Variants in PRR16 observed in about 807,000 individuals in gnomAD.
PRR16 encodes the protein protein Largen.
In PRR16, 6 loss-of-function variants were observed where a neutral mutation model predicts 18.2. That is an observed-to-expected ratio of 0.33 (90% CI 0.18 to 0.65). The LOEUF (loss-of-function observed/expected upper bound fraction) is 0.65, where lower values mean the gene tolerates loss of function less well. Ranked by LOEUF, PRR16 falls within the 30% of genes least tolerant of loss-of-function variation. The probability of loss-of-function intolerance (pLI) is 0.74; values close to 1 mark genes in which losing one functional copy is unlikely to be tolerated. For synonymous variants in PRR16, 151 were observed against 147.8 expected, an observed-to-expected ratio of 1.02 and a Z score of -0.16; for missense variants, 412 against 376.6, an observed-to-expected ratio of 1.09 and a Z score of -0.78.
At chr5:120,735,364 T>C in the PRR16 span, among the ~76,000 whole-genome samples, 1 of 152,170 alleles carries the variant, frequency 6.6e-6, no homozygotes, top group African/African-American at 2.4e-5. Flanking sequence ...TTCAATACTT[T>C]TGGATATACA....
chr5:120,475,582 G>A (rs552386343), intron 1 of PRR16, among the ~76,000 whole-genome samples: 71 of 151,968 alleles, frequency 4.7e-4, no homozygotes, highest in Admixed American at 7.9e-4. Context: ...TATAAGAAAT[G>A]AAAAATAAGC....
At chr5:120,549,054 A>G (rs189289030) in intron 1 of PRR16, among the ~76,000 whole-genome samples, 117 of 152,070 alleles carry the variant, frequency 7.7e-4, no homozygotes, top group Admixed American at 2.8e-3. Context: ...AAAAGAGCAT[A>G]TTGACCTGTT....
At chr5:120,681,301 A>C (rs1252703460) in intron 1 of PRR16, among the ~76,000 whole-genome samples, 1 of 152,044 alleles carries the variant, frequency 6.6e-6, no homozygotes, top group East Asian at 1.9e-4. Flanking sequence ...TGATAATTTT[A>C]TATCTGTTAT....
chr5:120,755,776 A>C, the PRR16 span, among the ~76,000 whole-genome samples: 1 of 152,116 alleles, frequency 6.6e-6, no homozygotes, highest in Non-Finnish European at 1.5e-5. Flanking sequence ...GTGACTCTTG[A>C]CTATGAGTAG....
At chr5:120,700,398 G>A in the PRR16 span, among the ~76,000 whole-genome samples, 1,002 of 152,108 alleles carry the variant, frequency 6.6e-3, 6 homozygotes, top group Middle Eastern at 0.024. Flanking sequence ...ATGATCGGTC[G>A]CCAAGGAGGG....
At chr5:120,488,773 C>T (rs529139195) in intron 1 of PRR16, among the ~76,000 whole-genome samples, 9 of 152,168 alleles carry the variant, frequency 5.9e-5, no homozygotes, top group African/African-American at 1.2e-4. Context: ...CCTGCTTTCT[C>T]TTGTGTGCAT....
chr5:120,793,499 G>A, the PRR16 span, among the ~76,000 whole-genome samples: 1 of 151,746 alleles, frequency 6.6e-6, no homozygotes, highest in Non-Finnish European at 1.5e-5. Context: ...AGAGGAAGAA[G>A]GTAAGACATC....
intron 1 of PRR16, among the ~76,000 whole-genome samples, chr5:120,644,325 G>A (rs189994433): frequency 7.9e-5 from 12 of 152,014 alleles, no homozygotes; most frequent in South Asian, 2.1e-4. Context: ...GCTCAATCCC[G>A]ATAGCAGGGC....
At chr5:120,469,301 A>T (rs1749195138) in intron 1 of PRR16, among the ~76,000 whole-genome samples, 1 of 152,174 alleles carries the variant, frequency 6.6e-6, no homozygotes, top group Non-Finnish European at 1.5e-5. Context: ...ACAAGAAAAA[A>T]TTATAGAGAA....
chr5:120,481,128 C>A, intron 1 of PRR16: 1 of 1,178,546 alleles, frequency 8.5e-7, no homozygotes, highest in Non-Finnish European at 1.1e-6. Context: ...GCTACTTTAC[C>A]AATGTTTTAA....
In PRR16 at chr5:120,686,213, T is replaced by A; in HGVS notation, c.419T>A (p.Val140Glu). ...GTGAAGTGTGAAGACCCCAAAAGGG[T>A]GGTTCCAACTGCCAATCCTGTAAAA... Reference protein sequence around the residue: ...TPVKCEDPKRVVPTANPVKTN... With the variant: ...TPVKCEDPKREVPTANPVKTN... Residue 140 changes from valine (V) to glutamate (E), a missense_variant, in exon 2 of 2, where the codon GTG (valine) becomes GAG (glutamate). Physicochemically the swap from Val to Glu is moderately radical, Grantham distance 121. Coordinates refer to ENST00000407149, the MANE Select transcript of PRR16 (RefSeq NM_001300783.2). 6.2e-7 allele frequency: 1 copy of A among 1,614,130 alleles called. No homozygotes were observed. The highest frequency in any genetic ancestry group is 8.5e-7 in the Non-Finnish European group (1 of 1,180,038).
intron 1 of PRR16, among the ~76,000 whole-genome samples, chr5:120,630,656 C>A (rs527645795): frequency 1.3e-5 from 2 of 152,054 alleles, no homozygotes; most frequent in South Asian, 4.1e-4. Flanking sequence ...TTTTTCCTGC[C>A]TACCCGCTAA....
chr5:120,730,015 C>T, the PRR16 span, among the ~76,000 whole-genome samples: 1 of 152,082 alleles, frequency 6.6e-6, no homozygotes, highest in African/African-American at 2.4e-5. Flanking sequence ...TTCTACAACT[C>T]CCATTTCTCT....
At chr5:120,482,497 A>G (rs1171490134) in intron 1 of PRR16, among the ~76,000 whole-genome samples, 1 of 152,174 alleles carries the variant, frequency 6.6e-6, no homozygotes, top group African/African-American at 2.4e-5. Flanking sequence ...TCCATGGTGT[A>G]TATGTACCAT....
chr5:120,526,715 A>G (rs1261772361), intron 1 of PRR16, among the ~76,000 whole-genome samples: 1 of 152,192 alleles, frequency 6.6e-6, no homozygotes, highest in Non-Finnish European at 1.5e-5. Context: ...CTGAAAAATC[A>G]TAGCAAAGTA....
Position 120,597,200 on chromosome 5 carries a change from A to G in PRR16, c.160-88754A>G, listed in dbSNP as rs914452880. 7.9e-5 allele frequency among the ~76,000 whole-genome samples: 12 copies of G among 151,668 alleles called. No homozygotes were observed. In the South Asian group the frequency reaches 1.7e-3, roughly 21 times the overall value. On this transcript the variant is annotated intron_variant, in intron 1 of 1. Coordinates refer to ENST00000407149, the MANE Select transcript of PRR16 (RefSeq NM_001300783.2). ...TTATTTATTGTATTTGAGTACTAGT[A>G]CTTTATAAGGTGTATGCTTTAAAAA...
chr5:120,606,710 T>G (rs1754165013), intron 1 of PRR16, among the ~76,000 whole-genome samples: 1 of 152,050 alleles, frequency 6.6e-6, no homozygotes, highest in South Asian at 2.1e-4. Flanking sequence ...AGAGTCAAGC[T>G]TGGGCAACAT....
chr5:120,737,026 G>A, the PRR16 span, among the ~76,000 whole-genome samples: 22,458 of 152,098 alleles, frequency 0.15, 2,490 homozygotes, highest in African/African-American at 0.31. Context: ...TACACAGAAG[G>A]TCATGTCATT....
At chr5:120,524,720 G>A (rs1451380109) in intron 1 of PRR16, among the ~76,000 whole-genome samples, 1 of 152,054 alleles carries the variant, frequency 6.6e-6, no homozygotes, top group African/African-American at 2.4e-5. Context: ...ATAAATGCTT[G>A]AGGTGATGAA....
Sources: allele counts gnomAD v4.1 joint callset (sites outside exome capture counted in the v4.1 genomes callset), GRCh38; gene constraint gnomAD v4.1.1; transcripts MANE v1.5; gene names NCBI Gene and HGNC (gene_info 2026-07-23, HGNC 2026-07-21).